NBEA: variants seen among roughly 807,000 people sequenced by gnomAD.
NBEA encodes the protein lysosomal-trafficking regulator 2.
In NBEA, 44 loss-of-function variants were observed where a neutral mutation model predicts 343.4. The observed-to-expected ratio is 0.13, with a 90% CI of 0.10 to 0.16. NBEA has a LOEUF of 0.16. NBEA is among the 10% of genes least tolerant of loss of function. The pLI, the probability that NBEA is intolerant of heterozygous loss-of-function variation, is 1.00. For missense variants in NBEA, 2,555 were observed against 3,631.3 expected (o/e 0.70, Z 7.62); for synonymous variants, 1,175 against 1,238.7 (o/e 0.95, Z 1.08).
chr13:35,131,271 T>C (rs73167770), intron 17 of NBEA, among the ~76,000 whole-genome samples: 3,003 of 152,234 alleles, frequency 0.02, 44 homozygotes, highest in Middle Eastern at 0.034. Flanking sequence ...ATACCAAAAT[T>C]GGATATGGAT....
chr13:35,472,350 A>C (rs1184990716), intron 40 of NBEA, 50 bp from the exon 41 acceptor site: 1 of 1,582,412 alleles, frequency 6.3e-7, no homozygotes, highest in South Asian at 1.1e-5. Flanking sequence ...GGGAGGGAGC[A>C]GGAAGGGCCA....
At chr13:35,267,836 A>C (rs969567350) in intron 34 of NBEA, among the ~76,000 whole-genome samples, 20 of 147,600 alleles carry the variant, frequency 1.4e-4, no homozygotes, top group African/African-American at 4.8e-4. Flanking sequence ...TTTAAAAAAA[A>C]AAAAAGAAGA....
At chr13:35,008,382 A>T (rs183267059) in intron 1 of NBEA, among the ~76,000 whole-genome samples, 24 of 152,278 alleles carry the variant, frequency 1.6e-4, no homozygotes, top group Admixed American at 3.9e-4. Context: ...ATATCCTCCC[A>T]TATCCTTTAA....
chr13:35,342,365 A>G (rs1723854918), intron 36 of NBEA, among the ~76,000 whole-genome samples: 1 of 152,092 alleles, frequency 6.6e-6, no homozygotes, highest in Non-Finnish European at 1.5e-5. Flanking sequence ...AATATATCTC[A>G]ATTTTAAAAA....
chr13:35,565,122 G>T (rs1314605055), intron 44 of NBEA, among the ~76,000 whole-genome samples: 2 of 152,172 alleles, frequency 1.3e-5, no homozygotes, highest in Non-Finnish European at 1.5e-5. Context: ...TAACCTAGCT[G>T]TAACCTCATC....
chr13:35,464,128 A>T (rs543071856), intron 40 of NBEA, among the ~76,000 whole-genome samples: 1 of 152,180 alleles, frequency 6.6e-6, no homozygotes, highest in Admixed American at 6.5e-5. Context: ...CTAGAAAAAA[A>T]AATCCGTATA....
intron 33 of NBEA, among the ~76,000 whole-genome samples, chr13:35,228,608 T>C (rs1283545691): frequency 6.6e-6 from 1 of 152,098 alleles, no homozygotes; most frequent in Non-Finnish European, 1.5e-5. Flanking sequence ...GTATACATCA[T>C]TTAGCGCCCA....
intron 39 of NBEA, among the ~76,000 whole-genome samples, chr13:35,432,864 T>A (rs2045210824): frequency 6.6e-6 from 1 of 152,044 alleles, no homozygotes. Flanking sequence ...ACTGTGAGTA[T>A]ATGTTTATGT....
At chr13:35,666,895 T>G (rs1266128803) in intron 56 of NBEA, among the ~76,000 whole-genome samples, 2 of 152,210 alleles carry the variant, frequency 1.3e-5, no homozygotes, top group Non-Finnish European at 2.9e-5. Flanking sequence ...GCTTTTACAT[T>G]TTATGCGTAT....
At chr13:35,381,613 A>C (rs1163832779) in intron 38 of NBEA, among the ~76,000 whole-genome samples, 1 of 152,116 alleles carries the variant, frequency 6.6e-6, no homozygotes, top group Non-Finnish European at 1.5e-5. Flanking sequence ...ATAAGACTGC[A>C]ACTCTACTGC....
chr13:35,070,482 G>A (rs964722636), intron 9 of NBEA, among the ~76,000 whole-genome samples: 6 of 151,794 alleles, frequency 4.0e-5, no homozygotes, highest in Admixed American at 2.6e-4. Context: ...TTAAAATAAC[G>A]TTTGATTTTA....
rs138261532 is a variant in NBEA at position 35,006,226 on chromosome 13, C to T, written c.295-34707C>T. On this transcript the variant is annotated intron_variant, in intron 1 of 58. Coordinates refer to ENST00000379939, the MANE Select transcript of NBEA (RefSeq NM_001385012.1). Reference sequence around the variant, plus strand: ...TTTTTTCCCACTACTTTTGGATGTACATGTCTTTTATTTTTATTCAGCATC... The same window carrying T: ...TTTTTTCCCACTACTTTTGGATGTATATGTCTTTTATTTTTATTCAGCATC... Among the ~76,000 whole-genome samples, 36 of 151,726 alleles carry T rather than the reference C, an allele frequency of 2.4e-4. No homozygotes were observed. The East Asian group carries it at 6.8e-3, about 29-fold the overall frequency.
chr13:35,623,073 G>A (rs2083065737), intron 48 of NBEA, among the ~76,000 whole-genome samples: 1 of 152,082 alleles, frequency 6.6e-6, no homozygotes, highest in Non-Finnish European at 1.5e-5. Flanking sequence ...TTGGGAATTG[G>A]TTTATCTAGG....
chr13:35,076,171 T>C (rs1432791885), intron 10 of NBEA, among the ~76,000 whole-genome samples: 1 of 151,962 alleles, frequency 6.6e-6, no homozygotes, highest in African/African-American at 2.4e-5. Context: ...TATACAGTTA[T>C]ATTTACTTAG....
intron 42 of NBEA, 47 bp downstream of exon 42, chr13:35,550,641 A>G (rs778698599): frequency 8.4e-7 from 1 of 1,185,334 alleles, no homozygotes; most frequent in South Asian, 1.3e-5. Context: ...ATATTTACAT[A>G]TTATTCATTT....
chr13:35,647,592 A>G (rs1800863512), intron 51 of NBEA, among the ~76,000 whole-genome samples: 1 of 152,136 alleles, frequency 6.6e-6, no homozygotes, highest in African/African-American at 2.4e-5. Context: ...GTTTTGAGAC[A>G]GAATCTCACT....
At chr13:35,666,963 G>A (rs750655278) in intron 56 of NBEA, among the ~76,000 whole-genome samples, 2 of 152,152 alleles carry the variant, frequency 1.3e-5, no homozygotes, top group African/African-American at 2.4e-5. Context: ...GGTACAACGC[G>A]TAAAATTTTG....
chr13:35,153,867 G>T (rs1235967651), intron 18 of NBEA, among the ~76,000 whole-genome samples: 1 of 152,074 alleles, frequency 6.6e-6, no homozygotes, highest in East Asian at 1.9e-4. Flanking sequence ...CATCCACTGG[G>T]CTATAGGTAC....
chr13:35,584,801 A>G (rs2081219633), intron 46 of NBEA, among the ~76,000 whole-genome samples: 1 of 151,646 alleles, frequency 6.6e-6, no homozygotes, highest in Non-Finnish European at 1.5e-5. Flanking sequence ...CGCCCGGCCC[A>G]GCTATTATTT....
Sources: allele counts gnomAD v4.1 joint callset (sites outside exome capture counted in the v4.1 genomes callset), GRCh38; gene constraint gnomAD v4.1.1; transcripts MANE v1.5; gene names NCBI Gene and HGNC (gene_info 2026-07-23, HGNC 2026-07-21).